Variants in WWOX observed in about 807,000 individuals in gnomAD.
WWOX encodes the protein WW domain-containing oxidoreductase.
Under a neutral mutation model 46.2 loss-of-function variants are expected in WWOX, and 69 were observed. The ratio of observed to expected loss-of-function variants is 1.49; its 90% CI spans 1.23 to 1.82. The LOEUF is 1.82. Among genes scored for constraint, WWOX ranks in the 40% most tolerant of loss-of-function variants. The pLI, the probability that WWOX is intolerant of heterozygous loss-of-function variation, is 0.00. For missense variants in WWOX, 919 were observed against 542.6 expected (o/e 1.69, Z -6.89); for synonymous variants, 359 against 202.6 (o/e 1.77, Z -6.56).
At position 78,752,720 on chromosome 16, in the gene WWOX, A is replaced by G. The variant is rs566147734; in HGVS notation, c.1056+319968A>G. ...CATTTATGGAGCCCTGCTTTGTGCT[A>G]ATGAGTTTATATGCCCTGTCTTCTT... On this transcript the variant is annotated intron_variant, in intron 8 of 8. Coordinates refer to ENST00000566780, the MANE Select transcript of WWOX (RefSeq NM_016373.4). 2.0e-5 allele frequency among the ~76,000 whole-genome samples: 3 copies of G among 152,304 alleles called. No individual in the cohort carries two copies. In the East Asian group the frequency reaches 5.8e-4, roughly 29 times the overall value.
intron 5 of WWOX, among the ~76,000 whole-genome samples, chr16:78,327,951 A>G (rs2080667699): frequency 7.5e-6 from 1 of 134,174 alleles, no homozygotes; most frequent in Non-Finnish European, 1.5e-5. Flanking sequence ...ATCTTGGCTC[A>G]TGGCAACCTC....
rs2050122492 is a variant in WWOX at position 79,143,192 on chromosome 16, T to C, written c.1057-68416T>C. ...AGGTAGCTGCAGATTTTATAGTTTC[T>C]CTCAAAGAATGTCAATCCTATTGTC... On this transcript the variant is annotated intron_variant, in intron 8 of 8. Transcript: ENST00000566780. Among the ~76,000 whole-genome samples the C allele has an allele frequency of 2.0e-5, 3 of 152,352 alleles. No individual in the cohort carries two copies. In the South Asian group the frequency reaches 6.2e-4, roughly 32 times the overall value.
intron 8 of WWOX, among the ~76,000 whole-genome samples, chr16:79,071,857 C>T (rs1597347338): frequency 1.3e-5 from 2 of 152,212 alleles, no homozygotes; most frequent in East Asian, 3.9e-4. Flanking sequence ...CAATGGTCAG[C>T]AGTGTTGCAA....
intron 8 of WWOX, among the ~76,000 whole-genome samples, chr16:78,943,911 T>C (rs2045900242): frequency 6.6e-6 from 1 of 152,180 alleles, no homozygotes; most frequent in African/African-American, 2.4e-5. Context: ...CAGGAACCCA[T>C]CATTCCTGCT....
chr16:78,380,907 A>G (rs933780617), intron 5 of WWOX, among the ~76,000 whole-genome samples: 1 of 152,220 alleles, frequency 6.6e-6, no homozygotes, highest in Admixed American at 6.5e-5. Context: ...AATAATGATA[A>G]TAGCATATAT....
chr16:79,013,321 G>A (rs2047350049), intron 8 of WWOX, among the ~76,000 whole-genome samples: 1 of 152,328 alleles, frequency 6.6e-6, no homozygotes, highest in African/African-American at 2.4e-5. Context: ...AGCAGGCTGT[G>A]CTGGGGAGTG....
chr16:78,441,778 G>A (rs1478475849), intron 8 of WWOX, among the ~76,000 whole-genome samples: 2 of 152,096 alleles, frequency 1.3e-5, no homozygotes, highest in African/African-American at 2.4e-5. Flanking sequence ...TCTACAGTGT[G>A]CTAGATGCTT....
chr16:78,899,952 A>G (rs1357909087), intron 8 of WWOX, among the ~76,000 whole-genome samples: 4 of 152,002 alleles, frequency 2.6e-5, no homozygotes, highest in African/African-American at 7.3e-5. Context: ...TACCCTTGGT[A>G]CTAATTAAGC....
At chr16:78,901,820 A>G (rs1478154343) in intron 8 of WWOX, among the ~76,000 whole-genome samples, 4 of 152,200 alleles carry the variant, frequency 2.6e-5, no homozygotes. Flanking sequence ...CTGGTGTACA[A>G]TCCAAGTCTG....
intron 8 of WWOX, among the ~76,000 whole-genome samples, chr16:78,601,770 A>C (rs74948030): frequency 0.016 from 2,458 of 152,320 alleles, 51 homozygotes; most frequent in East Asian, 0.068. Flanking sequence ...TGGTATTGTT[A>C]GCAGGCTATT....
intron 8 of WWOX, among the ~76,000 whole-genome samples, chr16:78,883,553 A>G (rs2044388096): frequency 6.6e-6 from 1 of 151,944 alleles, no homozygotes; most frequent in South Asian, 2.1e-4. Context: ...GCAAAACCCC[A>G]TCTCTACTAA....
chr16:79,048,918 G>A (rs754656381), intron 8 of WWOX, among the ~76,000 whole-genome samples: 8 of 152,206 alleles, frequency 5.3e-5, no homozygotes, highest in East Asian at 1.9e-4. Flanking sequence ...AGGGACCCCC[G>A]CCTTTGGTAC....
chr16:78,101,269 G>T (rs1023563094), intron 1 of WWOX, among the ~76,000 whole-genome samples: 1 of 148,782 alleles, frequency 6.7e-6, no homozygotes, highest in African/African-American at 2.5e-5. Flanking sequence ...GGATGGTCTC[G>T]ATCTCCTGAC....
chr16:78,132,993 G>A (rs1405525521), intron 4 of WWOX, among the ~76,000 whole-genome samples: 1 of 152,120 alleles, frequency 6.6e-6, no homozygotes, highest in African/African-American at 2.4e-5. Context: ...AGGGAAAGCG[G>A]TCATGTTTCT....
chr16:78,114,787 C>CT (rs1027286761), intron 3 of WWOX, among the ~76,000 whole-genome samples, 189 bp from the exon 4 acceptor site: 1 of 152,058 alleles, frequency 6.6e-6, no homozygotes, highest in Non-Finnish European at 1.5e-5. Flanking sequence ...CGATGACTAT[C>CT]TTTTTTTGGC....
At chr16:78,175,121 C>G (rs920715844) in intron 5 of WWOX, among the ~76,000 whole-genome samples, 6 of 152,070 alleles carry the variant, frequency 3.9e-5, no homozygotes, top group Non-Finnish European at 4.4e-5. Flanking sequence ...AGGTGCCTAT[C>G]ATGTCTTCAG....
intron 8 of WWOX, among the ~76,000 whole-genome samples, chr16:78,692,853 G>A (rs556949958): frequency 5.3e-4 from 80 of 152,258 alleles, no homozygotes; most frequent in African/African-American, 1.6e-3. Flanking sequence ...ACTGTTTTTG[G>A]TGAATAGGCC....
chr16:78,885,444 A>G (rs1259458431), intron 8 of WWOX, among the ~76,000 whole-genome samples: 4 of 152,208 alleles, frequency 2.6e-5, no homozygotes, highest in African/African-American at 9.6e-5. Context: ...CACTCTGTCT[A>G]AACATCTTAT....
intron 8 of WWOX, among the ~76,000 whole-genome samples, chr16:78,970,889 G>C (rs1047144642): frequency 6.6e-6 from 1 of 152,042 alleles, no homozygotes; most frequent in African/African-American, 2.4e-5. Flanking sequence ...AATATAATCA[G>C]ATGATTTGTT....
Sources: gnomAD v4.1 joint callset for allele counts (sites outside exome capture counted in the v4.1 genomes callset) on GRCh38, gnomAD v4.1.1 for gene constraint, MANE v1.5 for transcripts, NCBI Gene and HGNC (gene_info 2026-07-23, HGNC 2026-07-21) for gene names.